MISP3: variants seen among roughly 807,000 people sequenced by gnomAD.
MISP3 encodes MISP family member 3.
In MISP3, 9 loss-of-function variants were observed where a neutral mutation model predicts 5.5. That is an observed-to-expected ratio of 1.65 (90% CI 0.99 to 2.87). MISP3 has a LOEUF of 2.87. Among genes scored for constraint, MISP3 ranks in the 30% most tolerant of loss-of-function variants. The pLI is 0.00. For missense variants in MISP3, 152 were observed against 84.1 expected, an observed-to-expected ratio of 1.81 and a Z score of -3.16; for synonymous variants, 87 against 38.1, an observed-to-expected ratio of 2.28 and a Z score of -4.73.
chr19:14,073,323 T>A lies in MISP3; in HGVS notation c.14T>A (p.Ile5Asn), dbSNP rs1295579044. 1 of 697,864 alleles carries A rather than the reference T, an allele frequency of 1.4e-6. No homozygotes were observed. The highest frequency in any genetic ancestry group is 2.6e-6 in the Non-Finnish European group (1 of 381,944). The allele number at this position is 697,864 out of a possible 1,614,324, so 43.2% of individuals were successfully genotyped here. A position where few individuals can be genotyped will look rare whatever the true frequency, so the allele number is the denominator to read the frequency against. The stretch of plus-strand genomic sequence containing the variant: ...GAGGAGCGGTTCATGGAGACGCCCA[T>A]CGAGCGCGAAATCCGCCGCAGCTGC... Reference protein sequence around the residue: METPIEREIRRSCER... With the variant: METPNEREIRRSCER... Residue 5 changes from isoleucine (I) to asparagine (N), a missense_variant, in exon 1 of 3, where the codon ATC becomes AAC. Physicochemically the swap from Ile to Asn is moderately radical, Grantham distance 149. Coordinates refer to ENST00000587086, the MANE Select transcript of MISP3 (RefSeq NM_001291291.2). The surrounding 1 kb of genome is among the most constrained non-coding windows in gnomAD (Gnocchi z 8.5).
In MISP3 at chr19:14,075,004, G is replaced by T; in HGVS notation, c.*281G>T. 1 of 409,942 alleles carries T rather than the reference G, an allele frequency of 2.4e-6. No homozygotes were observed. The highest frequency in any genetic ancestry group is 3.4e-5 in the Admixed American group (1 of 29,410). The allele number at this position is 409,942 out of a possible 1,614,324, so 25.4% of individuals were successfully genotyped here. ...TCCCTTGACTGTTAAGAGGGCCGGA[G>T]TTACCGCCTCGATTGCCCCACTCCC... On this transcript the variant is annotated 3_prime_UTR_variant, in exon 3 of 3. Coordinates refer to ENST00000587086, the MANE Select transcript of MISP3 (RefSeq NM_001291291.2).
chr19:14,073,384 G>T lies in MISP3; in HGVS notation c.75G>T (p.Leu25=). The change falls in exon 1 of 3, where the codon CTG becomes CTT. Residue 25 remains leucine, a synonymous_variant. Coordinates refer to ENST00000587086, the MANE Select transcript of MISP3 (RefSeq NM_001291291.2). The surrounding 1 kb of genome is among the most constrained non-coding windows in gnomAD (Gnocchi z 8.5). ...AGAGCCTGCGCCGGAGCCGGGGCCT[G>T]AGCCCGGGCCGCGCAGGCCGTGAAC... is the stretch of plus-strand genomic sequence containing the variant. ...REESLRRSRG[L]SPGRAGRELV... 1.4e-6 allele frequency: 1 copy of T among 694,930 alleles called. No homozygotes were observed. Among genetic ancestry groups the T allele is most frequent in the Non-Finnish European group, 2.6e-6 (1 of 381,352 alleles). The allele number at this position is 694,930 out of a possible 1,614,324, so 43.0% of individuals were successfully genotyped here.
chr19:14,074,895 C>T lies in MISP3; in HGVS notation c.*172C>T. 2 of 607,164 alleles carry T rather than the reference C, an allele frequency of 3.3e-6. No homozygotes were observed. Among genetic ancestry groups the T allele is most frequent in the Non-Finnish European group, 6.0e-6 (2 of 331,164 alleles). 37.6% of individuals were successfully genotyped at this position (607,164 alleles called of 1,614,324 possible). A position where few individuals can be genotyped will look rare whatever the true frequency, so the allele number is the denominator to read the frequency against. On this transcript the variant is annotated 3_prime_UTR_variant, in exon 3 of 3. Coordinates refer to ENST00000587086, the MANE Select transcript of MISP3 (RefSeq NM_001291291.2). The surrounding 1 kb of genome is among the most constrained non-coding windows in gnomAD (Gnocchi z 4.4). ...CCCCTCTATAAAACTTACAGTCCCC[C>T]ATTGGGAAACTGACCACCACCCACA...
At position 14,073,488 on chromosome 19, in the gene MISP3, G is replaced by C; in HGVS notation, c.179G>C (p.Arg60Pro). 5.0e-6 allele frequency: 2 copies of C among 402,748 alleles called. No homozygotes were observed. Among genetic ancestry groups the C allele is most frequent in the Non-Finnish European group, 4.3e-6 (1 of 232,122 alleles). 24.9% of individuals were successfully genotyped at this position (402,748 alleles called of 1,614,324 possible). A position where few individuals can be genotyped will look rare whatever the true frequency, so the allele number is the denominator to read the frequency against. The change falls in exon 1 of 3, where the codon CGG (arginine) becomes CCG (proline). Residue 60 changes from arginine to proline, a missense_variant. Physicochemically the swap from Arg to Pro is moderately radical, Grantham distance 103. Transcript: ENST00000587086. This position sits in a 1 kb window ranked among gnomAD's most constrained non-coding sequence, Gnocchi z 8.5. ...PALPRALERA[R>P]AGAQMQRDIE... Reference sequence around the variant, plus strand: ...CTCCCGCGCGCCCTGGAGCGGGCGCGGGCGGGCGCGCAGATGCAGCGGGAC... The same window carrying C: ...CTCCCGCGCGCCCTGGAGCGGGCGCCGGCGGGCGCGCAGATGCAGCGGGAC...
At position 14,074,504 on chromosome 19, in the gene MISP3, T is replaced by TC; in HGVS notation, c.642+47dup. The TC allele has an allele frequency of 2.9e-6, 2 of 690,780 alleles. No individual in the cohort carries two copies. The highest frequency in any genetic ancestry group is 2.0e-5 in the Admixed American group (1 of 48,898). The allele number at this position is 690,780 out of a possible 1,614,324, so 42.8% of individuals were successfully genotyped here. ...CCCGTGTGCCTCTAGCGCTTGTCGG[T>TC]CCCCCCACCCCTCCGGTGCCAGGAC... On this transcript the variant is annotated intron_variant, in intron 2 of 2. Transcript: ENST00000587086. This position sits in a 1 kb window ranked among gnomAD's most constrained non-coding sequence, Gnocchi z 4.4.
rs548126785 is a variant in MISP3, at chr19:14,075,032, C to T, written c.*309C>T. ...ACCGCCTCGATTGCCCCACTCCCCC[C>T]ACCCCCAATAAAGCCTCTTCTTTCA... is the stretch of plus-strand genomic sequence containing the variant. On this transcript the variant is annotated 3_prime_UTR_variant, in exon 3 of 3. Coordinates refer to ENST00000587086, the MANE Select transcript of MISP3 (RefSeq NM_001291291.2). The T allele has an allele frequency of 5.5e-6, 2 of 362,664 alleles. No individual in the cohort carries two copies. The highest frequency in any genetic ancestry group is 1.0e-5 in the Non-Finnish European group (2 of 192,458). The allele number at this position is 362,664 out of a possible 1,614,324, so 22.5% of individuals were successfully genotyped here. A position where few individuals can be genotyped will look rare whatever the true frequency, so the allele number is the denominator to read the frequency against.
chr19:14,073,979 G>T lies in MISP3; in HGVS notation c.568+102G>T, dbSNP rs1261283288. ...CTCCTGTGGCCCTCCGATTCTCGGG[G>T]TCTCTCCCTCCAAGCTCCCAGACCC... On this transcript the variant is annotated intron_variant, in intron 1 of 2. Transcript: ENST00000587086. This position sits in a 1 kb window ranked among gnomAD's most constrained non-coding sequence, Gnocchi z 8.5. 6.2e-6 allele frequency: 4 copies of T among 640,518 alleles called. No homozygotes were observed. Among genetic ancestry groups the T allele is most frequent in the African/African-American group, 1.9e-5 (1 of 53,870 alleles). The allele number at this position is 640,518 out of a possible 1,614,324, so 39.7% of individuals were successfully genotyped here.
In MISP3 at chr19:14,072,972, C is replaced by A. The variant is rs1976611314; in HGVS notation, c.-338C>A. ...AGAGGAGGGCCAGGAGTCCCCAGGG[C>A]CAGACAGCGAAGCCCCAGAGCTGCT... On this transcript the variant is annotated 5_prime_UTR_variant, in exon 1 of 3. Transcript: ENST00000587086. This position sits in a 1 kb window ranked among gnomAD's most constrained non-coding sequence, Gnocchi z 6.8. 1 of 478,956 alleles carries A rather than the reference C, an allele frequency of 2.1e-6. No individual in the cohort carries two copies. Among genetic ancestry groups the A allele is most frequent in the Non-Finnish European group, 4.1e-6 (1 of 242,074 alleles). 29.7% of individuals were successfully genotyped at this position (478,956 alleles called of 1,614,324 possible).
At position 14,074,675 on chromosome 19, in the gene MISP3, G is replaced by T; in HGVS notation, c.643-31G>T. On this transcript the variant is annotated intron_variant, in intron 2 of 2. Transcript: ENST00000587086. This position sits in a 1 kb window ranked among gnomAD's most constrained non-coding sequence, Gnocchi z 4.4. Reference sequence around the variant, plus strand: ...TGGATGCAGTGCGCAGGTCCCTGAGGCCGGCCTTCCTTCTGGTCCTCTGTC... The same window carrying T: ...TGGATGCAGTGCGCAGGTCCCTGAGTCCGGCCTTCCTTCTGGTCCTCTGTC... 1.4e-6 allele frequency: 1 copy of T among 701,218 alleles called. No homozygotes were observed. The highest frequency in any genetic ancestry group is 1.5e-5 in the South Asian group (1 of 67,574). The allele number at this position is 701,218 out of a possible 1,614,324, so 43.4% of individuals were successfully genotyped here. A position where few individuals can be genotyped will look rare whatever the true frequency, so the allele number is the denominator to read the frequency against.
chr19:14,074,071 C>G lies in MISP3; in HGVS notation c.568+194C>G. On this transcript the variant is annotated intron_variant, in intron 1 of 2. Coordinates refer to ENST00000587086, the MANE Select transcript of MISP3 (RefSeq NM_001291291.2). This position sits in a 1 kb window ranked among gnomAD's most constrained non-coding sequence, Gnocchi z 4.4. ...TTACTCGCTGTGATCCACCCCTCCA[C>G]CGGGAGTGATGGACTCTCTGATCCA... 1.7e-6 allele frequency: 1 copy of G among 596,742 alleles called. No individual in the cohort carries two copies. Among genetic ancestry groups the G allele is most frequent in the South Asian group, 2.0e-5 (1 of 50,646 alleles). The allele number at this position is 596,742 out of a possible 1,614,324, so 37.0% of individuals were successfully genotyped here.
Position 14,073,963 on chromosome 19 carries a change from C to A in MISP3, c.568+86C>A. ...CCAACTTCAGTGGCCCCTCCTGTGGCCCTCCGATTCTCGGGGTCTCTCCCT... is the reference window on the plus strand; with the variant it reads ...CCAACTTCAGTGGCCCCTCCTGTGGACCTCCGATTCTCGGGGTCTCTCCCT... On this transcript the variant is annotated intron_variant, in intron 1 of 2. Transcript: ENST00000587086. The surrounding 1 kb of genome is among the most constrained non-coding windows in gnomAD (Gnocchi z 8.5). The A allele has an allele frequency of 3.1e-6, 2 of 652,416 alleles. No individual in the cohort carries two copies. Among genetic ancestry groups the A allele is most frequent in the African/African-American group, 1.8e-5 (1 of 54,310 alleles). The allele number at this position is 652,416 out of a possible 1,614,324, so 40.4% of individuals were successfully genotyped here. A position where few individuals can be genotyped will look rare whatever the true frequency, so the allele number is the denominator to read the frequency against.
chr19:14,074,831 G>A lies in MISP3; in HGVS notation c.*108G>A, dbSNP rs1293944342. ...GAGAAGGGTCGGCTCTCTGCATTGG[G>A]GAAGATGAAATCGACTTGCCTTTGT... On this transcript the variant is annotated 3_prime_UTR_variant, in exon 3 of 3. Coordinates refer to ENST00000587086, the MANE Select transcript of MISP3 (RefSeq NM_001291291.2). The surrounding 1 kb of genome is among the most constrained non-coding windows in gnomAD (Gnocchi z 4.4). 2 of 667,842 alleles carry A rather than the reference G, an allele frequency of 3.0e-6. No homozygotes were observed. The allele number at this position is 667,842 out of a possible 1,614,324, so 41.4% of individuals were successfully genotyped here. A position where few individuals can be genotyped will look rare whatever the true frequency, so the allele number is the denominator to read the frequency against.
Position 14,074,970 on chromosome 19 carries a change from AC to A in MISP3, c.*248del. 1 of 528,664 alleles carries A rather than the reference AC, an allele frequency of 1.9e-6. No homozygotes were observed. Among genetic ancestry groups the A allele is most frequent in the Non-Finnish European group, 3.5e-6 (1 of 286,934 alleles). 32.7% of individuals were successfully genotyped at this position (528,664 alleles called of 1,614,324 possible). ...CCTTCTCTGCCTAATTGCAAACTGA[AC>A]TACCCTCTCCCTTGACTGTTAAGAG... On this transcript the variant is annotated 3_prime_UTR_variant, in exon 3 of 3. Transcript: ENST00000587086. The surrounding 1 kb of genome is among the most constrained non-coding windows in gnomAD (Gnocchi z 4.4).
rs1171583513 is a variant in MISP3, at chr19:14,073,749, C to A, written c.440C>A (p.Pro147Gln). 1.0e-5 allele frequency: 7 copies of A among 692,814 alleles called. No individual in the cohort carries two copies. Among genetic ancestry groups the A allele is most frequent in the African/African-American group, 5.3e-5 (3 of 56,128 alleles). The allele number at this position is 692,814 out of a possible 1,614,324, so 42.9% of individuals were successfully genotyped here. Residue 147 changes from proline to glutamine, a missense_variant, in exon 1 of 3, where the codon CCG becomes CAG. Pro to Gln is a moderately conservative substitution (Grantham distance 76). Coordinates refer to ENST00000587086, the MANE Select transcript of MISP3 (RefSeq NM_001291291.2). The surrounding 1 kb of genome is among the most constrained non-coding windows in gnomAD (Gnocchi z 8.5). ...TGCCGGGTGCTGGGCAGCGCCCCGC[C>A]GCCTTTCACTCCGTCACTGCTGGAG... ...GGCRVLGSAP[P>Q]PFTPSLLEQE...
rs1174432428 is a variant in MISP3 at position 14,073,027 on chromosome 19, C to T, written c.-283C>T. 3 of 532,078 alleles carry T rather than the reference C, an allele frequency of 5.6e-6. No individual in the cohort carries two copies. In the African/African-American group the frequency reaches 5.7e-5, roughly 10 times the overall value. 33.0% of individuals were successfully genotyped at this position (532,078 alleles called of 1,614,324 possible). On this transcript the variant is annotated 5_prime_UTR_variant, in exon 1 of 3. Transcript: ENST00000587086. The surrounding 1 kb of genome is among the most constrained non-coding windows in gnomAD (Gnocchi z 8.5). ...AGCTGAACACCGAGGTCCCCAAGCC[C>T]TCCGCAAAGGACGTGGAGATCCTGG...
chr19:14,074,795 C>T lies in MISP3; in HGVS notation c.*72C>T, dbSNP rs1976663921. On this transcript the variant is annotated 3_prime_UTR_variant, in exon 3 of 3. Coordinates refer to ENST00000587086, the MANE Select transcript of MISP3 (RefSeq NM_001291291.2). This position sits in a 1 kb window ranked among gnomAD's most constrained non-coding sequence, Gnocchi z 4.4. ...GAGGAACAGGGCGGGGGGCGTCTAG[C>T]ATTAGGCCTGGAGAAGGGTCGGCTC... 2 of 687,342 alleles carry T rather than the reference C, an allele frequency of 2.9e-6. No individual in the cohort carries two copies. Among genetic ancestry groups the T allele is most frequent in the African/African-American group, 3.5e-5 (2 of 56,966 alleles). The allele number at this position is 687,342 out of a possible 1,614,324, so 42.6% of individuals were successfully genotyped here. A position where few individuals can be genotyped will look rare whatever the true frequency, so the allele number is the denominator to read the frequency against.
chr19:14,074,608 G>A lies in MISP3; in HGVS notation c.643-98G>A. 1 of 687,486 alleles carries A rather than the reference G, an allele frequency of 1.5e-6. No homozygotes were observed. The highest frequency in any genetic ancestry group is 2.7e-6 in the Non-Finnish European group (1 of 372,236). 42.6% of individuals were successfully genotyped at this position (687,486 alleles called of 1,614,324 possible). ...GTCTGGGACGCATCCCCGGGGTGAA[G>A]AGGAGACGGTGGTCTTGAGGCCCAA... On this transcript the variant is annotated intron_variant, in intron 2 of 2. Coordinates refer to ENST00000587086, the MANE Select transcript of MISP3 (RefSeq NM_001291291.2). This position sits in a 1 kb window ranked among gnomAD's most constrained non-coding sequence, Gnocchi z 4.4.
Position 14,073,160 on chromosome 19 carries a change from G to A in MISP3, c.-150G>A, listed in dbSNP as rs1976615155. On this transcript the variant is annotated 5_prime_UTR_variant, in exon 1 of 3. Coordinates refer to ENST00000587086, the MANE Select transcript of MISP3 (RefSeq NM_001291291.2). This position sits in a 1 kb window ranked among gnomAD's most constrained non-coding sequence, Gnocchi z 8.5. ...TCCTGAGCCAGGCAGAGACGACCCT[G>A]GGCCGTCCGAAGCGCAAAGGGCGGA... The A allele has an allele frequency of 1.5e-6, 1 of 672,586 alleles. No homozygotes were observed. Among genetic ancestry groups the A allele is most frequent in the Non-Finnish European group, 2.7e-6 (1 of 365,640 alleles). 41.7% of individuals were successfully genotyped at this position (672,586 alleles called of 1,614,324 possible). A position where few individuals can be genotyped will look rare whatever the true frequency, so the allele number is the denominator to read the frequency against.
chr19:14,073,610 C>T lies in MISP3; in HGVS notation c.301C>T (p.Arg101Cys), dbSNP rs934981979. The T allele has an allele frequency of 3.1e-4, 105 of 333,342 alleles. No homozygotes were observed. Among genetic ancestry groups the T allele is most frequent in the Non-Finnish European group, 4.9e-4 (90 of 184,278 alleles). 20.6% of individuals were successfully genotyped at this position (333,342 alleles called of 1,614,324 possible). Residue 101 changes from arginine to cysteine, a missense_variant, in exon 1 of 3, where the codon CGC becomes TGC. Arg to Cys is a radical substitution (Grantham distance 180, BLOSUM62 -3). Transcript: ENST00000587086. This position sits in a 1 kb window ranked among gnomAD's most constrained non-coding sequence, Gnocchi z 8.5. ...GCCGCAGCCGCTGGGCGAACTCAAG[C>T]GCTTCTTCGAGGCCGCGGCGGGGAG... is the stretch of plus-strand genomic sequence containing the variant. The part of the protein sequence containing the change: ...SPPQPLGELK[R>C]FFEAAAGSGS...
Sources: allele counts gnomAD v4.1 joint callset, GRCh38; gene constraint gnomAD v4.1.1; non-coding constraint Gnocchi (gnomAD v3.1); transcripts MANE v1.5; gene names NCBI Gene and HGNC (gene_info 2026-07-23, HGNC 2026-07-21).